ZNF652: variants seen among roughly 807,000 people sequenced by gnomAD.
ZNF652 encodes the protein zinc finger protein 652.
A neutral mutation model predicts 45.2 loss-of-function variants in ZNF652; 16 were observed. The ratio of observed to expected loss-of-function variants is 0.35; its 90% CI spans 0.24 to 0.54. ZNF652 has a LOEUF of 0.54. Ranked by LOEUF, ZNF652 falls within the 20% of genes least tolerant of loss-of-function variation. ZNF652 has a pLI of 0.91. For missense variants in ZNF652, 614 were observed against 765.6 expected, an observed-to-expected ratio of 0.80 and a Z score of 2.34; for synonymous variants, 250 against 260.6, an observed-to-expected ratio of 0.96 and a Z score of 0.39.
rs543094297 is a variant in ZNF652, at chr17:49,342,992, C to T, written c.-259+18917G>A. 4.2e-4 allele frequency among the ~76,000 whole-genome samples: 64 copies of T among 152,102 alleles called. No homozygotes were observed. The East Asian group carries it at 0.011, about 27-fold the overall frequency. ...CGCCTACCAGGTTCAAGCGATTCTCCTGCCTCAGCCTCCCAAGTAGCTGGG... is the reference window on the plus strand; with the variant it reads ...CGCCTACCAGGTTCAAGCGATTCTCTTGCCTCAGCCTCCCAAGTAGCTGGG... On this transcript the variant is annotated intron_variant, in intron 1 of 5. Transcript: ENST00000430262.
intron 1 of ZNF652, among the ~76,000 whole-genome samples, chr17:49,349,892 C>T (rs1422850881): frequency 6.6e-6 from 1 of 152,088 alleles, no homozygotes; most frequent in East Asian, 1.9e-4. Context: ...TCAAAGATAA[C>T]TTACATATGT....
At chr17:49,309,942 C>G (rs1567918115) in intron 5 of ZNF652, among the ~76,000 whole-genome samples, 1 of 152,044 alleles carries the variant, frequency 6.6e-6, no homozygotes, top group Non-Finnish European at 1.5e-5. Context: ...GCAGGCTAAG[C>G]AAGATAATCT....
chr17:49,305,020 A>G (rs1389761264), intron 5 of ZNF652, among the ~76,000 whole-genome samples: 2 of 152,024 alleles, frequency 1.3e-5, no homozygotes, highest in African/African-American at 4.8e-5. Flanking sequence ...ATCTCAAAAC[A>G]AGTACAAAAT....
chr17:49,298,095 A>G lies in ZNF652; in HGVS notation c.*318T>C, dbSNP rs1173287316. On this transcript the variant is annotated 3_prime_UTR_variant, in exon 6 of 6. Transcript: ENST00000430262. The stretch of plus-strand genomic sequence containing the variant: ...TTTGAGGAGAAGTCTGGGATATAAA[A>G]GCAAGCATACCTCATCAGCTGATAT... 6 of 320,412 alleles carry G rather than the reference A, an allele frequency of 1.9e-5. No homozygotes were observed. Among genetic ancestry groups the G allele is most frequent in the Non-Finnish European group, 3.5e-5 (6 of 172,282 alleles). 19.8% of individuals were successfully genotyped at this position (320,412 alleles called of 1,614,324 possible). A position where few individuals can be genotyped will look rare whatever the true frequency, so the allele number is the denominator to read the frequency against.
At chr17:49,360,560 G>A (rs551725958) in intron 1 of ZNF652, among the ~76,000 whole-genome samples, 7 of 152,228 alleles carry the variant, frequency 4.6e-5, no homozygotes, top group African/African-American at 1.7e-4. Context: ...CAAGCTGCCT[G>A]CCACCACTGA....
At chr17:49,324,986 C>A (rs1329917849) in intron 1 of ZNF652, among the ~76,000 whole-genome samples, 1 of 151,874 alleles carries the variant, frequency 6.6e-6, no homozygotes, top group East Asian at 1.9e-4. Flanking sequence ...GGTGGTCCGC[C>A]CACCTTGGCC....
In ZNF652 at chr17:49,357,427, C is replaced by T. The variant is rs529561102; in HGVS notation, c.-259+4482G>A. 2.4e-4 allele frequency among the ~76,000 whole-genome samples: 37 copies of T among 152,208 alleles called. 1 individual carries two copies. In the South Asian group the frequency reaches 7.5e-3, roughly 31 times the overall value. On this transcript the variant is annotated intron_variant, in intron 1 of 5. Coordinates refer to ENST00000430262, the MANE Select transcript of ZNF652 (RefSeq NM_001145365.3). ...TCATAAAATCTGACAGGTAAAGACA[C>T]TCTACTTTTCTTTCCTTCCCTTGCC...
chr17:49,342,554 AGGGGGGGGGG>A (rs57671663), intron 1 of ZNF652, among the ~76,000 whole-genome samples: 2 of 102,700 alleles, frequency 1.9e-5, no homozygotes, highest in African/African-American at 7.0e-5. Context: ...TAACAGATAA[AGGGGGGGGGG>A]GGGGGGGAAT....
At chr17:49,338,176 C>T (rs2070106417) in intron 1 of ZNF652, among the ~76,000 whole-genome samples, 1 of 149,760 alleles carries the variant, frequency 6.7e-6, no homozygotes, top group Non-Finnish European at 1.5e-5. Context: ...GAGACGGAGT[C>T]TTACTGTATT....
downstream of ZNF652, chr17:49,289,153 CA>C (rs1314434780): frequency 6.6e-6 from 1 of 150,648 alleles, no homozygotes; most frequent in African/African-American, 2.4e-5. Flanking sequence ...AGGGGGACCT[CA>C]AAATGTTGTC....
chr17:49,341,352 G>C lies in ZNF652; in HGVS notation c.-259+20557C>G, dbSNP rs1598310308. ...AAAAAAAGATGGATGGCCTGACAAG[G>C]AAAAGAAAAAAGATGGATGGCTGGG... On this transcript the variant is annotated intron_variant, in intron 1 of 5. Transcript: ENST00000430262. Among the ~76,000 whole-genome samples the C allele has an allele frequency of 2.0e-5, 3 of 151,942 alleles. No individual in the cohort carries two copies. The East Asian group carries it at 5.8e-4, about 29-fold the overall frequency.
rs751263752 is a variant in ZNF652 at position 49,293,340 on chromosome 17, C to T, written c.*5073G>A. Among the ~76,000 whole-genome samples, 2 of 152,130 alleles carry T rather than the reference C, an allele frequency of 1.3e-5. No individual in the cohort carries two copies. Among genetic ancestry groups the T allele is most frequent in the African/African-American group, 2.4e-5 (1 of 41,432 alleles). On this transcript the variant is annotated 3_prime_UTR_variant, in exon 6 of 6. Coordinates refer to ENST00000430262, the MANE Select transcript of ZNF652 (RefSeq NM_001145365.3). ...AGCAAAAGCTTCAAAGCTGGAACAACCAAGGAGTTTGATTTTCCTTTGAAT... is the reference window on the plus strand; with the variant it reads ...AGCAAAAGCTTCAAAGCTGGAACAATCAAGGAGTTTGATTTTCCTTTGAAT...
At chr17:49,342,897 T>C (rs1463654143) in intron 1 of ZNF652, among the ~76,000 whole-genome samples, 1 of 152,020 alleles carries the variant, frequency 6.6e-6, no homozygotes, top group Non-Finnish European at 1.5e-5. Flanking sequence ...TTTTTTTTTT[T>C]TTTTGGCAGA....
At chr17:49,322,497 G>C (rs535489822) in intron 1 of ZNF652, 1 of 152,154 alleles carries the variant, frequency 6.6e-6, no homozygotes, top group Non-Finnish European at 1.5e-5. Flanking sequence ...TTGCCGGTTC[G>C]GCTCCAGACC....
intron 5 of ZNF652, among the ~76,000 whole-genome samples, chr17:49,308,086 T>C (rs2069657808): frequency 6.6e-6 from 1 of 152,150 alleles, no homozygotes; most frequent in African/African-American, 2.4e-5. Context: ...TATGCCAAAA[T>C]GTTAAGAGTG....
rs1385100975 is a variant in ZNF652, at chr17:49,362,195, G to A, written c.-545C>T. On this transcript the variant is annotated 5_prime_UTR_variant, in exon 1 of 6. Transcript: ENST00000430262. Reference sequence around the variant, plus strand: ...GGGCAGCGCGGGGCGGGCGGCAGGGGAGGGGGTGTGCGTGTGTGGATGTGT... The same window carrying A: ...GGGCAGCGCGGGGCGGGCGGCAGGGAAGGGGGTGTGCGTGTGTGGATGTGT... 6.6e-5 allele frequency: 10 copies of A among 150,850 alleles called. No individual in the cohort carries two copies. The highest frequency in any genetic ancestry group is 2.0e-4 in the Admixed American group (3 of 15,086). The allele number at this position is 150,850 out of a possible 1,614,324, so 9.3% of individuals were successfully genotyped here. A position where few individuals can be genotyped will look rare whatever the true frequency, so the allele number is the denominator to read the frequency against.
chr17:49,353,353 TAG>T (rs2143115124), intron 1 of ZNF652, among the ~76,000 whole-genome samples: 1 of 152,208 alleles, frequency 6.6e-6, no homozygotes, highest in Admixed American at 6.5e-5. Context: ...TGATTTTTTG[TAG>T]AGAGAGGTCT....
intron 1 of ZNF652, among the ~76,000 whole-genome samples, chr17:49,346,530 G>A (rs2070206790): frequency 6.7e-6 from 1 of 149,738 alleles, no homozygotes; most frequent in Non-Finnish European, 1.5e-5. Context: ...CAGCCTGGGT[G>A]ACAAGAGTGA....
chr17:49,316,684 A>G (rs2069808866), intron 2 of ZNF652, 142 bp downstream of exon 2: 1 of 941,234 alleles, frequency 1.1e-6, no homozygotes, highest in Admixed American at 2.9e-5. Flanking sequence ...GAAAAGACCA[A>G]AGCAGGAGCT....
Sources: allele counts gnomAD v4.1 joint callset (sites outside exome capture counted in the v4.1 genomes callset), GRCh38; gene constraint gnomAD v4.1.1; transcripts MANE v1.5; gene names NCBI Gene and HGNC (gene_info 2026-07-23, HGNC 2026-07-21).